CADM1: variants seen among roughly 807,000 people sequenced by gnomAD.
CADM1 encodes TSLC-1.
In CADM1, 15 loss-of-function variants were observed where a neutral mutation model predicts 53.1. The observed-to-expected ratio is 0.28, with a 90% CI of 0.19 to 0.44. The LOEUF is 0.44. CADM1 is among the 20% of genes least tolerant of loss of function. CADM1 has a pLI of 1.00. For synonymous variants in CADM1, 281 were observed against 243.0 expected, an observed-to-expected ratio of 1.16 and a Z score of -1.45; for missense variants, 434 against 611.3, an observed-to-expected ratio of 0.71 and a Z score of 3.06.
intron 1 of CADM1, among the ~76,000 whole-genome samples, chr11:115,412,252 G>A (rs559470362): frequency 6.6e-6 from 1 of 152,222 alleles, no homozygotes; most frequent in African/African-American, 2.4e-5. Flanking sequence ...GGAGTGCAGT[G>A]GCACAATCAT....
intron 1 of CADM1, among the ~76,000 whole-genome samples, chr11:115,308,051 G>A (rs898125303): frequency 1.3e-5 from 2 of 151,084 alleles, no homozygotes; most frequent in Admixed American, 6.6e-5. Context: ...ACAAGGAGAA[G>A]TAGAAAAAAA....
chr11:115,455,653 T>A (rs977474790), intron 1 of CADM1, among the ~76,000 whole-genome samples: 3 of 152,102 alleles, frequency 2.0e-5, no homozygotes, highest in African/African-American at 7.2e-5. Context: ...GCCTTGTCCC[T>A]AACTAAACAA....
chr11:115,298,045 T>C (rs997695253), intron 1 of CADM1, among the ~76,000 whole-genome samples: 3 of 152,202 alleles, frequency 2.0e-5, no homozygotes, highest in African/African-American at 7.2e-5. Context: ...AGTTTGTGAA[T>C]TGTTACAGAT....
At chr11:115,235,710 T>C (rs1941987094) in intron 3 of CADM1, among the ~76,000 whole-genome samples, 1 of 152,186 alleles carries the variant, frequency 6.6e-6, no homozygotes, top group South Asian at 2.1e-4. Context: ...GAAATCTCAC[T>C]CTAAGACCCT....
intron 8 of CADM1, among the ~76,000 whole-genome samples, chr11:115,204,611 C>T (rs935965420): frequency 1.3e-5 from 2 of 152,180 alleles, no homozygotes; most frequent in African/African-American, 4.8e-5. Context: ...GAGGAAAGCT[C>T]TCTATCATCA....
intron 1 of CADM1, among the ~76,000 whole-genome samples, chr11:115,308,844 T>C (rs74761742): frequency 6.6e-6 from 1 of 150,900 alleles, no homozygotes. Flanking sequence ...TTCCTTATTT[T>C]ATTCATTTAT....
At chr11:115,502,632 A>G (rs1024939305) in intron 1 of CADM1, among the ~76,000 whole-genome samples, 4 of 151,974 alleles carry the variant, frequency 2.6e-5, no homozygotes, top group East Asian at 1.9e-4. Flanking sequence ...GGCATGGAGG[A>G]AAAAAACCCT....
intron 6 of CADM1, among the ~76,000 whole-genome samples, chr11:115,216,520 T>C (rs539437233): frequency 1.3e-5 from 2 of 152,268 alleles, no homozygotes; most frequent in Admixed American, 6.5e-5. Flanking sequence ...AGCTGCTAAT[T>C]AGGGAATAAT....
intron 1 of CADM1, among the ~76,000 whole-genome samples, chr11:115,340,659 T>TACA (rs1555069295): frequency 6.1e-5 from 1 of 16,514 alleles, no homozygotes; most frequent in Non-Finnish European, 1.2e-4. Flanking sequence ...TATATATATA[T>TACA]TTTTTTTTTT....
chr11:115,461,634 G>C (rs1289342940), intron 1 of CADM1, among the ~76,000 whole-genome samples: 2 of 152,184 alleles, frequency 1.3e-5, no homozygotes, highest in African/African-American at 4.8e-5. Context: ...ACGGCGGTGA[G>C]CTATGAAAGG....
At chr11:115,298,354 G>C (rs1365196852) in intron 1 of CADM1, among the ~76,000 whole-genome samples, 4 of 152,124 alleles carry the variant, frequency 2.6e-5, no homozygotes, top group African/African-American at 9.7e-5. Flanking sequence ...ACTGATTCTG[G>C]CTCTAAGGAT....
intron 1 of CADM1, among the ~76,000 whole-genome samples, chr11:115,336,927 T>C (rs1283398651): frequency 6.6e-6 from 1 of 152,158 alleles, no homozygotes; most frequent in Admixed American, 6.6e-5. Flanking sequence ...GACTATATAT[T>C]TGAATTTGTA....
chr11:115,200,326 T>C (rs1210652491), intron 8 of CADM1, among the ~76,000 whole-genome samples: 2 of 152,152 alleles, frequency 1.3e-5, no homozygotes, highest in Non-Finnish European at 2.9e-5. Flanking sequence ...AGTGCAGCAT[T>C]AGGTACTTTA....
intron 3 of CADM1, among the ~76,000 whole-genome samples, chr11:115,235,866 T>C (rs1053288413): frequency 3.3e-5 from 5 of 152,184 alleles, no homozygotes; most frequent in Non-Finnish European, 7.4e-5. Context: ...CATCTCCTCT[T>C]ATGAATAGTA....
intron 1 of CADM1, among the ~76,000 whole-genome samples, chr11:115,394,434 A>T (rs1357818265): frequency 6.6e-6 from 1 of 152,190 alleles, no homozygotes; most frequent in Non-Finnish European, 1.5e-5. Flanking sequence ...AATCATGTTT[A>T]CAAGAACCAC....
intron 1 of CADM1, among the ~76,000 whole-genome samples, chr11:115,367,183 C>A (rs1223670464): frequency 6.6e-6 from 1 of 152,180 alleles, no homozygotes; most frequent in African/African-American, 2.4e-5. Flanking sequence ...CTGTGAATAG[C>A]CACCGCACTT....
chr11:115,476,222 C>A (rs1235680851), intron 1 of CADM1, among the ~76,000 whole-genome samples: 1 of 152,078 alleles, frequency 6.6e-6, no homozygotes, highest in Non-Finnish European at 1.5e-5. Context: ...TCTGTACTCT[C>A]AAGAGTCTCA....
intron 10 of CADM1, among the ~76,000 whole-genome samples, chr11:115,180,184 T>A (rs530877715): frequency 6.6e-6 from 1 of 152,324 alleles, no homozygotes; most frequent in South Asian, 2.1e-4. Flanking sequence ...ATATTTCCAA[T>A]TCTGCTCCGA....
At chr11:115,241,265 G>A (rs1942220004) in intron 1 of CADM1, among the ~76,000 whole-genome samples, 1 of 152,342 alleles carries the variant, frequency 6.6e-6, no homozygotes, top group African/African-American at 2.4e-5. Flanking sequence ...GTACAGGTAG[G>A]AGGAGAAGTG....
Sources: allele counts gnomAD v4.1 joint callset (sites outside exome capture counted in the v4.1 genomes callset), GRCh38; gene constraint gnomAD v4.1.1; transcripts MANE v1.5; gene names NCBI Gene and HGNC (gene_info 2026-07-23, HGNC 2026-07-21).